SH3RF3: variants seen among roughly 807,000 people sequenced by gnomAD.
SH3RF3 encodes the protein E3 ubiquitin-protein ligase SH3RF3.
Under a neutral mutation model 66.3 loss-of-function variants are expected in SH3RF3, and 29 were observed. The ratio of observed to expected loss-of-function variants is 0.44; its 90% CI spans 0.33 to 0.60. The LOEUF (loss-of-function observed/expected upper bound fraction) is 0.60, where lower values mean the gene tolerates loss of function less well. Among genes scored for constraint, SH3RF3 ranks in the 20% least tolerant of loss-of-function variants. The probability of loss-of-function intolerance (pLI) is 0.04; values close to 1 mark genes in which losing one functional copy is unlikely to be tolerated. For missense variants in SH3RF3, 1,194 were observed against 1,190.9 expected, an observed-to-expected ratio of 1.00 and a Z score of -0.04; for synonymous variants, 583 against 532.0, an observed-to-expected ratio of 1.10 and a Z score of -1.32.
At chr2:109,501,387 T>C in intron 9 of SH3RF3, 116 bp from the exon 10 acceptor site, 1 of 558,474 alleles carries the variant, frequency 1.8e-6, no homozygotes, top group Non-Finnish European at 3.3e-6. Flanking sequence ...AGAAATTGTA[T>C]AAAGTGGGAA....
At chr2:109,462,505 C>T (rs1172575044) in intron 8 of SH3RF3, among the ~76,000 whole-genome samples, 1 of 152,180 alleles carries the variant, frequency 6.6e-6, no homozygotes, top group Non-Finnish European at 1.5e-5. Flanking sequence ...ACCGGCCAAA[C>T]AGGAGAGTTG....
chr2:109,215,101 C>T (rs1679076877), intron 1 of SH3RF3, among the ~76,000 whole-genome samples: 1 of 152,210 alleles, frequency 6.6e-6, no homozygotes, highest in Non-Finnish European at 1.5e-5. Context: ...GGACGACTAA[C>T]CTCCATACAC....
chr2:109,393,102 A>G (rs529284919), intron 3 of SH3RF3, among the ~76,000 whole-genome samples: 1 of 152,186 alleles, frequency 6.6e-6, no homozygotes, highest in Admixed American at 6.5e-5. Context: ...ATGTCTCCCA[A>G]CAAAAGCTTC....
At chr2:109,273,324 G>T (rs1680671113) in intron 1 of SH3RF3, among the ~76,000 whole-genome samples, 1 of 152,228 alleles carries the variant, frequency 6.6e-6, no homozygotes, top group South Asian at 2.1e-4. Context: ...TCCTGAGCTT[G>T]TCTGGAAGGA....
intron 3 of SH3RF3, among the ~76,000 whole-genome samples, chr2:109,398,277 C>T (rs998385973): frequency 1.3e-5 from 2 of 152,154 alleles, no homozygotes; most frequent in African/African-American, 2.4e-5. Flanking sequence ...GTCTGCAAGG[C>T]GGCACCGTGC....
intron 1 of SH3RF3, among the ~76,000 whole-genome samples, chr2:109,131,579 C>T (rs986421617): frequency 6.6e-6 from 1 of 152,104 alleles, no homozygotes. Flanking sequence ...CTCAGTTTAT[C>T]TTGGGGGACT....
chr2:109,439,025 A>G (rs1318574675), intron 7 of SH3RF3, among the ~76,000 whole-genome samples: 1 of 152,208 alleles, frequency 6.6e-6, no homozygotes, highest in African/African-American at 2.4e-5. Context: ...TCTGCCCAGA[A>G]TAGCCAGTAT....
intron 1 of SH3RF3, among the ~76,000 whole-genome samples, chr2:109,193,031 C>T (rs904700813): frequency 2.6e-5 from 4 of 152,200 alleles, no homozygotes; most frequent in Admixed American, 2.6e-4. Flanking sequence ...ACAGATCCAT[C>T]AACAGATGTC....
chr2:109,320,969 A>G (rs1682012046), intron 1 of SH3RF3, among the ~76,000 whole-genome samples: 1 of 152,212 alleles, frequency 6.6e-6, no homozygotes, highest in Non-Finnish European at 1.5e-5. Flanking sequence ...GTTTTAGGAT[A>G]TGGATTAGAT....
chr2:109,363,248 A>G (rs1683088465), intron 2 of SH3RF3, among the ~76,000 whole-genome samples: 2 of 150,190 alleles, frequency 1.3e-5, no homozygotes, highest in Admixed American at 6.6e-5. Flanking sequence ...TACTTTTTTA[A>G]TTGGTTGCAT....
At position 109,216,151 on chromosome 2, in the gene SH3RF3, G is replaced by A. The variant is rs528276816; in HGVS notation, c.573+86038G>A. Among the ~76,000 whole-genome samples the A allele has an allele frequency of 1.6e-4, 25 of 152,300 alleles. No individual in the cohort carries two copies. In the South Asian group the frequency reaches 4.8e-3, roughly 29 times the overall value. ...GTCTGGTTCCCAGCTCAGCATCGGT[G>A]GGGAGTGAGTCGGGAGAGAGAGTGA... On this transcript the variant is annotated intron_variant, in intron 1 of 9. Transcript: ENST00000309415.
At position 109,241,834 on chromosome 2, in the gene SH3RF3, C is replaced by T. The variant is rs552536518; in HGVS notation, c.574-105840C>T. On this transcript the variant is annotated intron_variant, in intron 1 of 9. Coordinates refer to ENST00000309415, the MANE Select transcript of SH3RF3 (RefSeq NM_001099289.3). ...AGGCTAGAGTGCAGTGGTGCGATCT[C>T]GGCTCACTGCAAGCTCCGCCTCCCG... Among the ~76,000 whole-genome samples the T allele has an allele frequency of 5.9e-5, 9 of 151,298 alleles. No individual in the cohort carries two copies. The South Asian group carries it at 1.0e-3, about 18-fold the overall frequency.
intron 4 of SH3RF3, among the ~76,000 whole-genome samples, chr2:109,416,210 C>T (rs1294453458): frequency 6.6e-6 from 1 of 152,180 alleles, no homozygotes; most frequent in Non-Finnish European, 1.5e-5. Flanking sequence ...TCATGCCTTT[C>T]GAAGCCCTCC....
chr2:109,354,201 C>T (rs938323827), intron 2 of SH3RF3, among the ~76,000 whole-genome samples: 2 of 152,216 alleles, frequency 1.3e-5, no homozygotes, highest in Middle Eastern at 3.2e-3. Context: ...GTGGGTTGGG[C>T]CCTGTGTGTG....
chr2:109,391,085 G>A (rs535723467), intron 3 of SH3RF3, among the ~76,000 whole-genome samples: 1 of 152,238 alleles, frequency 6.6e-6, no homozygotes, highest in Non-Finnish European at 1.5e-5. Flanking sequence ...GTCCATAAGA[G>A]GGGGCTGAAA....
intron 1 of SH3RF3, among the ~76,000 whole-genome samples, chr2:109,136,697 C>G (rs532393375): frequency 6.6e-6 from 1 of 152,090 alleles, no homozygotes; most frequent in Non-Finnish European, 1.5e-5. Flanking sequence ...CTGATGCAAA[C>G]GAAGATATGA....
intron 4 of SH3RF3, among the ~76,000 whole-genome samples, chr2:109,413,911 G>A (rs746665757): frequency 6.6e-6 from 1 of 151,454 alleles, no homozygotes; most frequent in Non-Finnish European, 1.5e-5. Flanking sequence ...CCCACCAGTG[G>A]TCCAGCAGGG....
intron 1 of SH3RF3, among the ~76,000 whole-genome samples, chr2:109,147,231 G>A (rs968046016): frequency 5.3e-5 from 8 of 152,112 alleles, no homozygotes; most frequent in African/African-American, 1.7e-4. Flanking sequence ...ACAGCTGTCC[G>A]CTGCTGCTGA....
In SH3RF3 at chr2:109,309,556, C is replaced by A. The variant is rs1448891465; in HGVS notation, c.574-38118C>A. ...GCTCCAATTAAAAGACACAGACTGG[C>A]AAATTGGATAAAGAGTCAAGACCCA... On this transcript the variant is annotated intron_variant, in intron 1 of 9. Coordinates refer to ENST00000309415, the MANE Select transcript of SH3RF3 (RefSeq NM_001099289.3). 2.3e-5 allele frequency among the ~76,000 whole-genome samples: 3 copies of A among 128,624 alleles called. No homozygotes were observed. In the East Asian group the frequency reaches 6.3e-4, roughly 27 times the overall value. 84.4% of individuals were successfully genotyped at this position (128,624 alleles called of 152,430 possible).
Sources: allele counts gnomAD v4.1 joint callset (sites outside exome capture counted in the v4.1 genomes callset), GRCh38; gene constraint gnomAD v4.1.1; transcripts MANE v1.5; gene names NCBI Gene and HGNC (gene_info 2026-07-23, HGNC 2026-07-21).